Variants in DIP2B observed in about 807,000 individuals in gnomAD.
DIP2B encodes disco-interacting protein 2 homolog B.
A neutral mutation model predicts 198.0 loss-of-function variants in DIP2B; 76 were observed. That is an observed-to-expected ratio of 0.38 (90% confidence interval 0.32 to 0.46). The LOEUF (loss-of-function observed/expected upper bound fraction) is 0.46. Ranked by LOEUF, DIP2B falls within the 20% of genes least tolerant of loss-of-function variation. DIP2B has a pLI of 0.99. For missense variants in DIP2B, 1,559 were observed against 1,978.4 expected, an observed-to-expected ratio of 0.79 and a Z score of 4.02; for synonymous variants, 701 against 739.1, an observed-to-expected ratio of 0.95 and a Z score of 0.84.
chr12:50,522,190 G>A (rs755245521), intron 1 of DIP2B, among the ~76,000 whole-genome samples: 4 of 151,686 alleles, frequency 2.6e-5, no homozygotes, highest in South Asian at 2.1e-4. Context: ...TGGTAGAGAC[G>A]GGGTTTTACC....
At chr12:50,531,751 T>C (rs1221478328) in intron 1 of DIP2B, among the ~76,000 whole-genome samples, 1 of 152,190 alleles carries the variant, frequency 6.6e-6, no homozygotes, top group Non-Finnish European at 1.5e-5. Context: ...AGGAAGTAGC[T>C]AGGATATATA....
At chr12:50,549,062 G>A (rs1958402068) in intron 1 of DIP2B, among the ~76,000 whole-genome samples, 1 of 152,024 alleles carries the variant, frequency 6.6e-6, no homozygotes, top group African/African-American at 2.4e-5. Context: ...ACTAAGTGAG[G>A]AAACTATTCC....
At position 50,544,624 on chromosome 12, in the gene DIP2B, C is replaced by CT. The variant is rs66562074; in HGVS notation, c.100+39401dup. ...CCTGGCCTCAGATAACTTTCTTTTT[C>CT]TTTTTTTTTTTTTTTTTGAGACGGA... On this transcript the variant is annotated intron_variant, in intron 1 of 37. Coordinates refer to ENST00000301180, the MANE Select transcript of DIP2B (RefSeq NM_173602.3). 6.4e-3 allele frequency among the ~76,000 whole-genome samples: 874 copies of CT among 136,984 alleles called. 6 individuals are homozygous for CT. The highest frequency in any genetic ancestry group is 0.011 in the Middle Eastern group (3 of 262). 89.9% of individuals were successfully genotyped at this position (136,984 alleles called of 152,430 possible).
intron 24 of DIP2B, 28 bp downstream of exon 24, chr12:50,718,846 T>G (rs753617375): frequency 1.5e-5 from 24 of 1,612,458 alleles, no homozygotes; most frequent in Non-Finnish European, 2.0e-5. Flanking sequence ...GTTACCTTCT[T>G]ACAGTCAAGT....
intron 3 of DIP2B, among the ~76,000 whole-genome samples, chr12:50,655,813 C>T (rs916891313): frequency 3.9e-5 from 6 of 152,178 alleles, no homozygotes; most frequent in African/African-American, 9.7e-5. Context: ...AACTCCATCT[C>T]TACCAAAAAT....
chr12:50,592,560 C>T (rs1044975530), intron 1 of DIP2B, among the ~76,000 whole-genome samples: 45 of 152,204 alleles, frequency 3.0e-4, no homozygotes, highest in African/African-American at 1.0e-3. Context: ...TCACTGCAAC[C>T]TCCGCCTCCT....
At chr12:50,729,627 G>T (rs1940000299) in intron 30 of DIP2B, among the ~76,000 whole-genome samples, 1 of 151,346 alleles carries the variant, frequency 6.6e-6, no homozygotes. Flanking sequence ...GTTTTTTCTT[G>T]CTTAAAAACA....
At chr12:50,517,628 A>G (rs1958077156) in intron 1 of DIP2B, among the ~76,000 whole-genome samples, 1 of 152,150 alleles carries the variant, frequency 6.6e-6, no homozygotes, top group South Asian at 2.1e-4. Flanking sequence ...CAGTCACAGG[A>G]TAAACTCTAA....
At chr12:50,600,504 G>T (rs1367387373) in intron 1 of DIP2B, among the ~76,000 whole-genome samples, 4 of 152,140 alleles carry the variant, frequency 2.6e-5, no homozygotes, top group Non-Finnish European at 4.4e-5. Context: ...TTCACTGGAG[G>T]CTGGGTAGGG....
chr12:50,610,667 G>T (rs1451850980), intron 1 of DIP2B, among the ~76,000 whole-genome samples: 1 of 151,832 alleles, frequency 6.6e-6, no homozygotes, highest in Admixed American at 6.6e-5. Context: ...CGCCATGCCC[G>T]GCTAATTTTT....
At chr12:50,743,341 A>G (rs1035552640) in intron 37 of DIP2B, among the ~76,000 whole-genome samples, 1 of 152,152 alleles carries the variant, frequency 6.6e-6, no homozygotes, top group African/African-American at 2.4e-5. Context: ...TCGGCCTCCC[A>G]AAGTGCTGGG....
chr12:50,696,962 C>T lies in DIP2B; in HGVS notation c.1934-99C>T, dbSNP rs1565874212. The T allele has an allele frequency of 1.2e-5, 10 of 845,856 alleles. No individual in the cohort carries two copies. The East Asian group carries it at 1.8e-4, about 15-fold the overall frequency. The allele number at this position is 845,856 out of a possible 1,614,324, so 52.4% of individuals were successfully genotyped here. On this transcript the variant is annotated intron_variant, in intron 16 of 37. Coordinates refer to ENST00000301180, the MANE Select transcript of DIP2B (RefSeq NM_173602.3). ...ATTAACAATATACAATATGAGTTCT[C>T]ATGAGAAATAAGTATGTCAGCTTTC... is the stretch of plus-strand genomic sequence containing the variant.
In DIP2B at chr12:50,716,958, C is replaced by CTTTTTTTTTTTTT. The variant is rs4026694; in HGVS notation, c.2852-1740_2852-1728dup. Reference sequence around the variant, plus strand: ...CCTATCCTAGATTTACGAATTGTTGCTTTTTTTTTTTTTTTTTTTTTTTGA... The same window carrying CTTTTTTTTTTTTT: ...CCTATCCTAGATTTACGAATTGTTGCTTTTTTTTTTTTTTTTTTTTTTTTTTTTTTTTTTTTGA... On this transcript the variant is annotated intron_variant, in intron 23 of 37. Coordinates refer to ENST00000301180, the MANE Select transcript of DIP2B (RefSeq NM_173602.3). 1.6e-3 allele frequency among the ~76,000 whole-genome samples: 92 copies of CTTTTTTTTTTTTT among 58,934 alleles called. 21 individuals carry two copies. The highest frequency in any genetic ancestry group is 4.0e-3 in the African/African-American group (65 of 16,234). 38.7% of individuals were successfully genotyped at this position (58,934 alleles called of 152,430 possible). A position where few individuals can be genotyped will look rare whatever the true frequency, so the allele number is the denominator to read the frequency against.
chr12:50,511,215 A>AT (rs556470771), intron 1 of DIP2B, among the ~76,000 whole-genome samples: 21 of 148,642 alleles, frequency 1.4e-4, no homozygotes, highest in African/African-American at 4.9e-4. Flanking sequence ...AAGTGCTGGG[A>AT]TTACAGGTGT....
chr12:50,716,958 C>CTTGTTTTT (rs1939731862), intron 23 of DIP2B, among the ~76,000 whole-genome samples: 2 of 58,922 alleles, frequency 3.4e-5, no homozygotes, highest in Non-Finnish European at 5.9e-5. Context: ...CGAATTGTTG[C>CTTGTTTTT]TTTTTTTTTT....
At chr12:50,671,471 G>A (rs546934697) in intron 5 of DIP2B, 73 bp downstream of exon 5, 14 of 1,507,380 alleles carry the variant, frequency 9.3e-6, no homozygotes, top group Non-Finnish European at 1.2e-5. Flanking sequence ...AATAGTTTAT[G>A]GTTTGTGTTA....
intron 25 of DIP2B, among the ~76,000 whole-genome samples, chr12:50,720,640 G>A (rs911195609): frequency 6.6e-6 from 1 of 152,034 alleles, no homozygotes; most frequent in African/African-American, 2.4e-5. Flanking sequence ...ATGTCAGCCA[G>A]GCACGGTGGC....
chr12:50,719,553 A>G lies in DIP2B; in HGVS notation c.3042+518A>G, dbSNP rs138786897. On this transcript the variant is annotated intron_variant, in intron 25 of 37. Coordinates refer to ENST00000301180, the MANE Select transcript of DIP2B (RefSeq NM_173602.3). ...GATGGATGGTTCGTTATAATACTGT[A>G]TTTTAGGACTGGGCACAGTGGCTCA... is the stretch of plus-strand genomic sequence containing the variant. 7.8e-4 allele frequency among the ~76,000 whole-genome samples: 119 copies of G among 152,292 alleles called. 2 individuals carry two copies. The highest frequency in any genetic ancestry group is 2.5e-3 in the South Asian group (12 of 4,826).
chr12:50,529,811 A>G (rs1958199553), intron 1 of DIP2B, among the ~76,000 whole-genome samples: 1 of 151,982 alleles, frequency 6.6e-6, no homozygotes, highest in South Asian at 2.1e-4. Flanking sequence ...GTGAGCCGAG[A>G]TCATGCCATT....
Sources: allele counts gnomAD v4.1 joint callset (sites outside exome capture counted in the v4.1 genomes callset), GRCh38; gene constraint gnomAD v4.1.1; transcripts MANE v1.5; gene names NCBI Gene and HGNC (gene_info 2026-07-23, HGNC 2026-07-21).